MYO16: variants seen among roughly 807,000 people sequenced by gnomAD.
The protein encoded by MYO16 is unconventional myosin-XVI.
In MYO16, 94 loss-of-function variants were observed where a neutral mutation model predicts 205.3. The observed-to-expected ratio is 0.46, with a 90% CI of 0.39 to 0.54. The LOEUF (loss-of-function observed/expected upper bound fraction) is 0.54, where lower values mean the gene tolerates loss of function less well. Among genes scored for constraint, MYO16 ranks in the 20% least tolerant of loss-of-function variants. The pLI is 0.00. For synonymous variants in MYO16, 988 were observed against 954.0 expected, an observed-to-expected ratio of 1.04 and a Z score of -0.66; for missense variants, 2,315 against 2,387.5, an observed-to-expected ratio of 0.97 and a Z score of 0.63.
At chr13:108,584,372 C>T in the MYO16 span, among the ~76,000 whole-genome samples, 26,107 of 152,076 alleles carry the variant, frequency 0.17, 2,495 homozygotes, top group Non-Finnish European at 0.22. Context: ...AAAAATTGCA[C>T]ATATCTATGG....
intron 5 of MYO16, among the ~76,000 whole-genome samples, chr13:108,788,159 C>T (rs1409988720): frequency 6.6e-6 from 1 of 152,078 alleles, no homozygotes; most frequent in Non-Finnish European, 1.5e-5. Flanking sequence ...GTACTTATCA[C>T]CTGTCACATC....
chr13:108,506,503 T>G, the MYO16 span, among the ~76,000 whole-genome samples: 1 of 152,078 alleles, frequency 6.6e-6, no homozygotes, highest in African/African-American at 2.4e-5. Context: ...TTTTTGCATG[T>G]CAATTCTGGA....
chr13:108,931,981 T>C (rs1288081707), intron 16 of MYO16, among the ~76,000 whole-genome samples: 2 of 152,230 alleles, frequency 1.3e-5, no homozygotes, highest in Non-Finnish European at 2.9e-5. Flanking sequence ...TCTCTGCTCC[T>C]CTAATTTCTG....
rs189008150 is a variant in MYO16, at chr13:108,883,049, T to G, written c.1426-10T>G. On this transcript the variant is annotated splice_polypyrimidine_tract_variant and intron_variant, in intron 12 of 34. Coordinates refer to ENST00000457511, the MANE Select transcript of MYO16 (RefSeq NM_001198950.3). ...TGAGGTTTTCCCCTTGCTGCTGCCCTGTTTTCCAGGTGTCCCAGCTGTATT... is the reference window on the plus strand; with the variant it reads ...TGAGGTTTTCCCCTTGCTGCTGCCCGGTTTTCCAGGTGTCCCAGCTGTATT... 10 of 1,613,596 alleles carry G rather than the reference T, an allele frequency of 6.2e-6. No individual in the cohort carries two copies. In the Admixed American group the frequency reaches 8.3e-5, roughly 13 times the overall value.
At chr13:108,651,162 G>T (rs1024995926) in intron 1 of MYO16, among the ~76,000 whole-genome samples, 3 of 152,202 alleles carry the variant, frequency 2.0e-5, no homozygotes, top group Non-Finnish European at 4.4e-5. Context: ...GCTGGTCTCT[G>T]CAGGGAACCT....
chr13:109,117,555 A>G (rs899830727), intron 28 of MYO16, among the ~76,000 whole-genome samples: 5 of 149,672 alleles, frequency 3.3e-5, no homozygotes, highest in African/African-American at 1.2e-4. Flanking sequence ...AATGGTAAAT[A>G]TGTACAAAGC....
intron 23 of MYO16, among the ~76,000 whole-genome samples, chr13:109,040,274 C>A (rs1886838274): frequency 6.6e-6 from 1 of 151,790 alleles, no homozygotes. Flanking sequence ...TTTACACAAT[C>A]TTTTCTAGAA....
intron 23 of MYO16, among the ~76,000 whole-genome samples, chr13:109,023,409 TATA>T (rs1215613156): frequency 1.4e-4 from 12 of 87,042 alleles, no homozygotes; most frequent in Non-Finnish European, 2.4e-4. Flanking sequence ...ATTTATATAT[TATA>T]CAGATATAAA....
chr13:108,936,085 TTTCCTTCCTTCC>T (rs56030003), intron 16 of MYO16, among the ~76,000 whole-genome samples: 21,691 of 128,946 alleles, frequency 0.17, 2,071 homozygotes, highest in East Asian at 0.26. Flanking sequence ...TTGGCTATAG[TTTCCTTCCTTCC>T]TTCCTTCCTT....
chr13:108,745,367 C>G (rs9301314), intron 4 of MYO16, among the ~76,000 whole-genome samples: 3 of 151,928 alleles, frequency 2.0e-5, no homozygotes, highest in Non-Finnish European at 2.9e-5. Context: ...TAGAGGTTCT[C>G]GCAAGGAACT....
At chr13:108,797,967 C>A (rs1222839554) in intron 6 of MYO16, among the ~76,000 whole-genome samples, 4 of 152,144 alleles carry the variant, frequency 2.6e-5, no homozygotes, top group Admixed American at 2.6e-4. Flanking sequence ...TTTTATTGAA[C>A]AGAGAGCATA....
chr13:108,685,928 C>T lies in MYO16; in HGVS notation c.292+19779C>T, dbSNP rs544296934. 1.6e-4 allele frequency among the ~76,000 whole-genome samples: 25 copies of T among 152,254 alleles called. No homozygotes were observed. The South Asian group carries it at 5.2e-3, about 32-fold the overall frequency. On this transcript the variant is annotated intron_variant, in intron 2 of 34. Transcript: ENST00000457511. ...ATTGGATTAGAGCCCACCCTAATGACCTCAGTGAATTTTCATGAACCTCCT... is the reference window on the plus strand; with the variant it reads ...ATTGGATTAGAGCCCACCCTAATGATCTCAGTGAATTTTCATGAACCTCCT...
chr13:109,109,057 A>C (rs1329911879), intron 28 of MYO16, among the ~76,000 whole-genome samples: 5 of 152,196 alleles, frequency 3.3e-5, no homozygotes, highest in Non-Finnish European at 7.3e-5. Flanking sequence ...TAACTTTGCT[A>C]TTACAACAGT....
chr13:108,874,952 T>A (rs1027799434), intron 12 of MYO16, among the ~76,000 whole-genome samples: 3 of 152,100 alleles, frequency 2.0e-5, no homozygotes, highest in Admixed American at 2.0e-4. Context: ...AGTGGCTCAG[T>A]GGCTGTCTCA....
the MYO16 span, among the ~76,000 whole-genome samples, chr13:108,537,896 G>A: frequency 9.9e-5 from 15 of 151,814 alleles, no homozygotes; most frequent in African/African-American, 3.6e-4. Flanking sequence ...TAAATTCTTA[G>A]TAGACTGTGG....
intron 10 of MYO16, among the ~76,000 whole-genome samples, chr13:108,853,942 G>A (rs1365337165): frequency 9.3e-6 from 1 of 107,208 alleles, no homozygotes; most frequent in Non-Finnish European, 2.1e-5. Flanking sequence ...TACTCAATTT[G>A]TGTTTCTATT....
intron 29 of MYO16, among the ~76,000 whole-genome samples, chr13:109,122,582 G>T (rs2139765045): frequency 6.6e-6 from 1 of 151,940 alleles, no homozygotes; most frequent in East Asian, 1.9e-4. Context: ...GGAGGCTAAG[G>T]CAGGAGAACC....
At chr13:108,928,346 A>G (rs1882101321) in intron 16 of MYO16, among the ~76,000 whole-genome samples, 1 of 152,234 alleles carries the variant, frequency 6.6e-6, no homozygotes, top group Admixed American at 6.5e-5. Flanking sequence ...CTGTGTCATT[A>G]TATTACATGA....
chr13:108,554,841 C>T, the MYO16 span, among the ~76,000 whole-genome samples: 50 of 103,648 alleles, frequency 4.8e-4, no homozygotes, highest in African/African-American at 2.0e-3. Context: ...CAGAGAGAGA[C>T]TCTGACTAAA....
Sources: gnomAD v4.1 joint callset for allele counts (sites outside exome capture counted in the v4.1 genomes callset) on GRCh38, gnomAD v4.1.1 for gene constraint, MANE v1.5 for transcripts, NCBI Gene and HGNC (gene_info 2026-07-23, HGNC 2026-07-21) for gene names.